The following RIMS2 variants were observed in gnomAD, a reference collection of about 807,000 sequenced individuals.
RIMS2 encodes the protein regulating synaptic membrane exocytosis 2, also known as regulating synaptic membrane exocytosis protein 2.
A neutral mutation model predicts 174.4 loss-of-function variants in RIMS2; 59 were observed. The observed-to-expected ratio is 0.34, with a 90% CI of 0.27 to 0.42. The LOEUF (loss-of-function observed/expected upper bound fraction) is 0.42, where lower values mean the gene tolerates loss of function less well. RIMS2 is among the 10% of genes least tolerant of loss of function. The probability of loss-of-function intolerance (pLI) is 1.00; values close to 1 mark genes in which losing one functional copy is unlikely to be tolerated. For synonymous variants in RIMS2, 606 were observed against 572.5 expected (o/e 1.06, Z -0.84); for missense variants, 1,620 against 1,666.3 (o/e 0.97, Z 0.48).
chr8:104,116,415 T>A (rs1458806953), intron 19 of RIMS2, among the ~76,000 whole-genome samples: 1 of 152,170 alleles, frequency 6.6e-6, no homozygotes, highest in East Asian at 1.9e-4. Flanking sequence ...TCTTGCCCCA[T>A]GTGGAAATTA....
chr8:103,530,202 G>T (rs1836340556), intron 1 of RIMS2, among the ~76,000 whole-genome samples: 1 of 152,044 alleles, frequency 6.6e-6, no homozygotes, highest in African/African-American at 2.4e-5. Context: ...CATATGTTAG[G>T]GTTTGATGAT....
At chr8:103,755,899 A>G (rs1414214833) in intron 2 of RIMS2, among the ~76,000 whole-genome samples, 1 of 151,960 alleles carries the variant, frequency 6.6e-6, no homozygotes, top group Non-Finnish European at 1.5e-5. Flanking sequence ...GGAGTTTGTT[A>G]TTACTGACCT....
intron 1 of RIMS2, among the ~76,000 whole-genome samples, chr8:103,659,226 G>A (rs10086828): frequency 0.18 from 26,889 of 152,038 alleles, 2,588 homozygotes; most frequent in African/African-American, 0.24. Flanking sequence ...GGAGGGAATG[G>A]GTGAAGAGGA....
chr8:103,714,799 G>T (rs2097349255), intron 2 of RIMS2, among the ~76,000 whole-genome samples: 1 of 152,014 alleles, frequency 6.6e-6, no homozygotes, highest in South Asian at 2.1e-4. Context: ...TGGAGAGGAA[G>T]GGTGACTGAT....
At chr8:104,084,556 C>G (rs974127476) in intron 19 of RIMS2, among the ~76,000 whole-genome samples, 73 of 150,862 alleles carry the variant, frequency 4.8e-4, no homozygotes, top group African/African-American at 1.8e-3. Flanking sequence ...CATCAAAGGA[C>G]AATGCCCTTT....
intron 1 of RIMS2, among the ~76,000 whole-genome samples, chr8:103,656,720 C>T (rs946802174): frequency 2.0e-5 from 3 of 152,124 alleles, no homozygotes; most frequent in East Asian, 1.9e-4. Flanking sequence ...CAAATCAAGC[C>T]ATGAGTAGTG....
At chr8:103,554,130 T>C (rs1459701012) in intron 1 of RIMS2, among the ~76,000 whole-genome samples, 1 of 152,054 alleles carries the variant, frequency 6.6e-6, no homozygotes, top group Non-Finnish European at 1.5e-5. Flanking sequence ...ATTCTGGACA[T>C]AGGCCCTGGT....
At chr8:103,502,850 C>G (rs1421212913) in intron 1 of RIMS2, among the ~76,000 whole-genome samples, 1 of 151,914 alleles carries the variant, frequency 6.6e-6, no homozygotes, top group African/African-American at 2.4e-5. Flanking sequence ...GGCTAGTTCA[C>G]TGTAGTTCTA....
intron 1 of RIMS2, among the ~76,000 whole-genome samples, chr8:103,524,099 G>GT (rs1027975286): frequency 6.6e-6 from 1 of 152,060 alleles, no homozygotes; most frequent in Non-Finnish European, 1.5e-5. Context: ...GGGACTTTCT[G>GT]TTTTTGCATT....
At chr8:103,920,692 A>G in intron 9 of RIMS2, 1 of 457,158 alleles carries the variant, frequency 2.2e-6, no homozygotes, top group South Asian at 1.5e-5. Flanking sequence ...CCATTCCCTT[A>G]AATATAGGTC....
intron 2 of RIMS2, among the ~76,000 whole-genome samples, chr8:103,717,972 G>C (rs913386853): frequency 6.6e-6 from 1 of 151,976 alleles, no homozygotes; most frequent in Non-Finnish European, 1.5e-5. Context: ...ACCACATGTG[G>C]CTAATGGTTA....
rs138309318 is a variant in RIMS2, at chr8:103,610,936, G to A, written c.177-86150G>A. ...TCTATACATCTGGTAGAATTCAGGC[G>A]TGAATCCTTCTGGGCCTGGGCTTCT... On this transcript the variant is annotated intron_variant, in intron 1 of 23. Transcript: ENST00000504942. Among the ~76,000 whole-genome samples the A allele has an allele frequency of 2.7e-3, 404 of 152,262 alleles. 2 individuals carry two copies. Among genetic ancestry groups the A allele is most frequent in the African/African-American group, 8.2e-3 (342 of 41,548 alleles).
intron 1 of RIMS2, among the ~76,000 whole-genome samples, chr8:103,518,353 CGAT>C (rs921929678): frequency 6.6e-6 from 1 of 151,604 alleles, no homozygotes; most frequent in Non-Finnish European, 1.5e-5. Context: ...CTAACACTAA[CGAT>C]AGCTGATGAG....
intron 19 of RIMS2, among the ~76,000 whole-genome samples, chr8:104,016,975 A>G (rs2154554388): frequency 6.6e-6 from 1 of 151,924 alleles, no homozygotes; most frequent in Admixed American, 6.5e-5. Flanking sequence ...CATTTTTTTT[A>G]TTTCATAAAA....
At chr8:104,170,025 A>G (rs1418560653) in intron 19 of RIMS2, among the ~76,000 whole-genome samples, 1 of 152,080 alleles carries the variant, frequency 6.6e-6, no homozygotes, top group Non-Finnish European at 1.5e-5. Context: ...TCATCTGAGA[A>G]GATACTTGAT....
At chr8:104,232,091 G>T (rs781435065) in intron 19 of RIMS2, among the ~76,000 whole-genome samples, 7 of 152,176 alleles carry the variant, frequency 4.6e-5, no homozygotes, top group Non-Finnish European at 8.8e-5. Context: ...AAATCATATA[G>T]TTGGGAATTA....
chr8:103,924,344 G>A (rs1241571955), intron 10 of RIMS2, among the ~76,000 whole-genome samples: 1 of 151,544 alleles, frequency 6.6e-6, no homozygotes, highest in Admixed American at 6.6e-5. Context: ...TGTAATTTAT[G>A]AATTTTATTC....
intron 1 of RIMS2, among the ~76,000 whole-genome samples, chr8:103,668,338 A>G (rs190431993): frequency 5.9e-5 from 9 of 152,330 alleles, no homozygotes; most frequent in Non-Finnish European, 1.0e-4. Flanking sequence ...TTTTCCAGGA[A>G]TGTCCCATGA....
chr8:103,516,689 A>G (rs1829152031), intron 1 of RIMS2, among the ~76,000 whole-genome samples: 1 of 152,138 alleles, frequency 6.6e-6, no homozygotes, highest in African/African-American at 2.4e-5. Flanking sequence ...TGCTGGAAAA[A>G]TGTAGAAACA....
Sources: gnomAD v4.1 joint callset for allele counts (sites outside exome capture counted in the v4.1 genomes callset) on GRCh38, gnomAD v4.1.1 for gene constraint, MANE v1.5 for transcripts, NCBI Gene and HGNC (gene_info 2026-07-23, HGNC 2026-07-21) for gene names.